The following QKI variants were observed in gnomAD, a reference collection of about 807,000 sequenced individuals.
QKI encodes the protein KH domain-containing RNA-binding protein QKI.
QKI carries 10 observed loss-of-function variants against 39.0 expected under a neutral mutation model. The ratio of observed to expected loss-of-function variants is 0.26; its 90% CI spans 0.16 to 0.43. The LOEUF is 0.43. QKI is among the 20% of genes least tolerant of loss of function. The probability of loss-of-function intolerance (pLI) is 1.00; values close to 1 mark genes in which losing one functional copy is unlikely to be tolerated. For synonymous variants in QKI, 204 were observed against 155.4 expected (o/e 1.31, Z -2.33); for missense variants, 218 against 428.0 (o/e 0.51, Z 4.33).
chr6:163,548,471 A>G lies in QKI; in HGVS notation c.546+13346A>G, dbSNP rs190779886. Among the ~76,000 whole-genome samples the G allele has an allele frequency of 9.7e-4, 148 of 152,344 alleles. 1 individual carries two copies. Among genetic ancestry groups the G allele is most frequent in the Non-Finnish European group, 1.2e-3 (84 of 68,024 alleles). On this transcript the variant is annotated intron_variant, in intron 4 of 7. Transcript: ENST00000361752. ...CTCTGTTCTAAATCAATTAATATCT[A>G]TATATGTGTGATGGTCATACACATA...
intron 1 of QKI, among the ~76,000 whole-genome samples, chr6:163,430,314 T>C (rs1788724239): frequency 6.6e-6 from 1 of 152,156 alleles, no homozygotes; most frequent in Non-Finnish European, 1.5e-5. Context: ...GTCCTTCTCT[T>C]CCCTTCATTT....
At chr6:163,441,929 G>C (rs1331280907) in intron 1 of QKI, among the ~76,000 whole-genome samples, 1 of 152,194 alleles carries the variant, frequency 6.6e-6, no homozygotes, top group Non-Finnish European at 1.5e-5. Context: ...GTTTATCTTT[G>C]TAAGGACCTG....
intron 1 of QKI, among the ~76,000 whole-genome samples, chr6:163,420,489 G>A (rs1438230398): frequency 6.6e-6 from 1 of 152,034 alleles, no homozygotes; most frequent in African/African-American, 2.4e-5. Context: ...CATATCCAAG[G>A]TTCTATTTTA....
chr6:163,541,440 C>T (rs1197487017), intron 4 of QKI, among the ~76,000 whole-genome samples: 1 of 149,996 alleles, frequency 6.7e-6, no homozygotes, highest in East Asian at 1.9e-4. Flanking sequence ...CGTGTATATT[C>T]TGTATTGTTT....
chr6:163,468,329 T>G (rs1241662817), intron 2 of QKI, among the ~76,000 whole-genome samples: 1 of 152,184 alleles, frequency 6.6e-6, no homozygotes, highest in Non-Finnish European at 1.5e-5. Flanking sequence ...GAAAACTTGG[T>G]CTCTCCCCTT....
chr6:163,487,029 AAG>A (rs1777725602), intron 3 of QKI, among the ~76,000 whole-genome samples: 1 of 152,222 alleles, frequency 6.6e-6, no homozygotes, highest in Admixed American at 6.5e-5. Context: ...AACACTTTGA[AAG>A]AGAGAAATTA....
intron 6 of QKI, chr6:163,564,382 T>A: frequency 8.1e-7 from 1 of 1,240,534 alleles, no homozygotes; most frequent in South Asian, 1.9e-5. Flanking sequence ...TGGGACCACA[T>A]AGTATAAGTG....
intron 7 of QKI, chr6:163,569,024 C>T (rs1162658118): frequency 1.0e-6 from 1 of 978,102 alleles, no homozygotes; most frequent in African/African-American, 1.8e-5. Flanking sequence ...AAAACCATCA[C>T]TTACATAATT....
intron 3 of QKI, among the ~76,000 whole-genome samples, chr6:163,525,799 C>T (rs1017912401): frequency 1.6e-4 from 24 of 152,162 alleles, no homozygotes; most frequent in African/African-American, 5.6e-4. Context: ...CATCTGAAGT[C>T]GGTTTAACTG....
At chr6:163,494,743 A>G (rs930539245) in intron 3 of QKI, among the ~76,000 whole-genome samples, 1 of 151,798 alleles carries the variant, frequency 6.6e-6, no homozygotes, top group Non-Finnish European at 1.5e-5. Context: ...ATGTCCCTCA[A>G]GCATAGTGCT....
At chr6:163,520,268 G>A (rs1431005202) in intron 3 of QKI, among the ~76,000 whole-genome samples, 6 of 152,002 alleles carry the variant, frequency 3.9e-5, no homozygotes, top group Non-Finnish European at 8.8e-5. Context: ...ATTCTTAGGT[G>A]TTTGCAGTAA....
At chr6:163,426,552 C>A (rs1235114574) in intron 1 of QKI, among the ~76,000 whole-genome samples, 2 of 151,966 alleles carry the variant, frequency 1.3e-5, no homozygotes, top group Non-Finnish European at 2.9e-5. Flanking sequence ...CCAGAAGGTG[C>A]CCCATCGACC....
rs1420682408 is a variant in QKI, at chr6:163,528,217, C to T, written c.403-6765C>T. On this transcript the variant is annotated intron_variant, in intron 3 of 7. Transcript: ENST00000361752. ...CCCCTTTATCTGCCTTCAAAGTCCC[C>T]GCCAGCTCTAAATTCTGTGAGGACA... Among the ~76,000 whole-genome samples the T allele has an allele frequency of 5.3e-5, 8 of 152,096 alleles. No individual in the cohort carries two copies. In the East Asian group the frequency reaches 1.3e-3, roughly 26 times the overall value.
chr6:163,566,662 G>C, intron 6 of QKI, 59 bp from the exon 7 acceptor site: 1 of 1,594,566 alleles, frequency 6.3e-7, no homozygotes, highest in South Asian at 1.1e-5. Flanking sequence ...TGCTGTTAAT[G>C]TTTTTTCCCC....
intron 4 of QKI, among the ~76,000 whole-genome samples, chr6:163,560,844 G>GT (rs1317763060): frequency 6.6e-6 from 1 of 152,192 alleles, no homozygotes; most frequent in East Asian, 1.9e-4. Flanking sequence ...TTAGCAACAT[G>GT]TTTTAGTAGT....
intron 2 of QKI, among the ~76,000 whole-genome samples, chr6:163,468,082 T>G (rs1473606413): frequency 6.6e-6 from 1 of 152,182 alleles, no homozygotes; most frequent in African/African-American, 2.4e-5. Context: ...CCACTAGTGT[T>G]GACTAGATTG....
intron 3 of QKI, among the ~76,000 whole-genome samples, chr6:163,534,667 T>A (rs770597580): frequency 2.0e-5 from 3 of 152,232 alleles, no homozygotes; most frequent in Non-Finnish European, 1.5e-5. Context: ...GTATGTTGTA[T>A]GATACTACAT....
intron 4 of QKI, among the ~76,000 whole-genome samples, chr6:163,557,502 A>G (rs1341994070): frequency 1.3e-5 from 2 of 152,112 alleles, no homozygotes; most frequent in Non-Finnish European, 2.9e-5. Flanking sequence ...ACTTATGGAG[A>G]TAGAGTGTGG....
intron 7 of QKI, chr6:163,568,279 G>GC: frequency 1.0e-6 from 1 of 984,898 alleles, no homozygotes; most frequent in Non-Finnish European, 1.2e-6. Flanking sequence ...CCCTATGTAT[G>GC]CCCCCTTTTA....
Sources: gnomAD v4.1 joint callset for allele counts (sites outside exome capture counted in the v4.1 genomes callset) on GRCh38, gnomAD v4.1.1 for gene constraint, MANE v1.5 for transcripts, NCBI Gene and HGNC (gene_info 2026-07-23, HGNC 2026-07-21) for gene names.